Variants in FGD4 observed in about 807,000 individuals in gnomAD.
FGD4 encodes the protein FYVE, RhoGEF and PH domain containing 4, also known as FYVE, RhoGEF and PH domain-containing protein 4.
In FGD4, 42 loss-of-function variants were observed where a neutral mutation model predicts 102.0. The ratio of observed to expected loss-of-function variants is 0.41; its 90% confidence interval spans 0.32 to 0.53. FGD4 has a LOEUF of 0.53. Ranked by LOEUF, FGD4 falls within the 20% of genes least tolerant of loss-of-function variation. FGD4 has a pLI of 0.21. For missense variants in FGD4, 902 were observed against 1,078.2 expected (o/e 0.84, Z 2.29); for synonymous variants, 380 against 375.7 (o/e 1.01, Z -0.13).
At chr12:32,632,725 T>TTTTTA (rs1950566025) in intron 14 of FGD4, among the ~76,000 whole-genome samples, 1 of 133,576 alleles carries the variant, frequency 7.5e-6, no homozygotes, top group African/African-American at 2.6e-5. Flanking sequence ...TTTTTTTTTT[T>TTTTTA]GAGACAGGGT....
rs935617246 is a variant in FGD4 at position 32,600,470 on chromosome 12, A to C, written c.1102-808A>C. 3.1e-6 allele frequency: 4 copies of C among 1,283,732 alleles called. No individual in the cohort carries two copies. In the African/African-American group the frequency reaches 6.1e-5, roughly 20 times the overall value. 79.5% of individuals were successfully genotyped at this position (1,283,732 alleles called of 1,614,324 possible). ...CCATCTGGACATTATGAAGGAATAG[A>C]CCTCCTTCTGCCTACATGTAACAGA... On this transcript the variant is annotated intron_variant, in intron 5 of 16. Transcript: ENST00000534526.
intron 1 of FGD4, chr12:32,486,035 C>G: frequency 1.4e-6 from 2 of 1,479,378 alleles, no homozygotes; most frequent in Non-Finnish European, 1.8e-6. Flanking sequence ...TACAGAATGC[C>G]TATAGTTTCT....
chr12:32,520,453 A>G (rs111380631), intron 1 of FGD4, among the ~76,000 whole-genome samples: 21,857 of 124,966 alleles, frequency 0.17, 2,420 homozygotes, highest in Middle Eastern at 0.3. Context: ...TTTTTTTTTT[A>G]GAGATGGAGT....
chr12:32,601,708 A>C lies in FGD4; in HGVS notation c.1247+285A>C, dbSNP rs532924539. Among the ~76,000 whole-genome samples the C allele has an allele frequency of 7.2e-5, 11 of 152,320 alleles. No homozygotes were observed. The South Asian group carries it at 2.3e-3, about 32-fold the overall frequency. Reference sequence around the variant, plus strand: ...GATAGCCCCTTTAAAAAGGTGCTGCATTGTTTTCTATCAGCCTCACAGTAC... The same window carrying C: ...GATAGCCCCTTTAAAAAGGTGCTGCCTTGTTTTCTATCAGCCTCACAGTAC... On this transcript the variant is annotated intron_variant, in intron 6 of 16. Coordinates refer to ENST00000534526, the MANE Select transcript of FGD4 (RefSeq NM_001370298.3).
chr12:32,521,306 T>TTG (rs1940521183), intron 1 of FGD4, among the ~76,000 whole-genome samples: 1 of 141,040 alleles, frequency 7.1e-6, no homozygotes, highest in Admixed American at 7.8e-5. Context: ...AACCAGGGAA[T>TTG]CGGAGGTTAC....
At chr12:32,637,143 C>T (rs1373186515) in intron 15 of FGD4, among the ~76,000 whole-genome samples, 11 of 149,878 alleles carry the variant, frequency 7.3e-5, no homozygotes, top group Non-Finnish European at 1.0e-4. Flanking sequence ...CCTGCCTCTG[C>T]CTCCCAAAGT....
chr12:32,502,447 C>A, intron 1 of FGD4: 1 of 502,314 alleles, frequency 2.0e-6, no homozygotes, highest in Non-Finnish European at 2.6e-6. Context: ...AAGAAACCTC[C>A]AGCGTCATAC....
At chr12:32,536,422 CT>C (rs1942270015) in intron 1 of FGD4, among the ~76,000 whole-genome samples, 12 of 152,178 alleles carry the variant, frequency 7.9e-5, no homozygotes, top group Admixed American at 7.9e-4. Context: ...AAGGTATTTT[CT>C]TAGATGTTTT....
intron 1 of FGD4, among the ~76,000 whole-genome samples, chr12:32,530,447 C>T (rs1052885616): frequency 2.6e-5 from 4 of 152,200 alleles, no homozygotes; most frequent in African/African-American, 9.7e-5. Context: ...CGCACCACTG[C>T]ACTCCAACCT....
chr12:32,624,376 A>T, intron 11 of FGD4, 46 bp from the exon 12 acceptor site: 1 of 1,427,064 alleles, frequency 7.0e-7, no homozygotes, highest in Non-Finnish European at 9.8e-7. Context: ...ACCCAGTGTG[A>T]ATCATTAATA....
At position 32,598,254 on chromosome 12, in the gene FGD4, G is replaced by A. The variant is rs115006153; in HGVS notation, c.1012-243G>A. Among the ~76,000 whole-genome samples, 1,138 of 152,282 alleles carry A rather than the reference G, an allele frequency of 7.5e-3. 13 individuals are homozygous for A. Among genetic ancestry groups the A allele is most frequent in the African/African-American group, 0.026 (1,080 of 41,558 alleles). On this transcript the variant is annotated intron_variant, in intron 4 of 16. Transcript: ENST00000534526. Reference sequence around the variant, plus strand: ...GAAAAAGATAGATTTCCAGGAAAAAGGTAGATATGATAGTGGTAACTGCTG... The same window carrying A: ...GAAAAAGATAGATTTCCAGGAAAAAAGTAGATATGATAGTGGTAACTGCTG...
At chr12:32,573,022 C>T (rs1401048304) in intron 2 of FGD4, among the ~76,000 whole-genome samples, 2 of 152,208 alleles carry the variant, frequency 1.3e-5, no homozygotes, top group East Asian at 3.8e-4. Context: ...TCCTGGGTTG[C>T]TTCTACCATC....
intron 1 of FGD4, among the ~76,000 whole-genome samples, chr12:32,537,151 G>A (rs1221056609): frequency 2.0e-5 from 3 of 151,868 alleles, no homozygotes; most frequent in African/African-American, 2.4e-5. Context: ...CTCATTATCC[G>A]CCCACCTCGG....
chr12:32,532,384 G>A (rs1164790819), intron 1 of FGD4, among the ~76,000 whole-genome samples: 1 of 152,110 alleles, frequency 6.6e-6, no homozygotes, highest in East Asian at 1.9e-4. Context: ...ACTAGCATGA[G>A]TGATCAAGAT....
In FGD4 at chr12:32,640,623, T is replaced by A. The variant is rs772274440; in HGVS notation, c.*90T>A. ...TTCTTACACATCTGCTAGCACTTTA[T>A]GTTGAAAAATATAGGCCCATAAATG... On this transcript the variant is annotated 3_prime_UTR_variant, in exon 17 of 17. Coordinates refer to ENST00000534526, the MANE Select transcript of FGD4 (RefSeq NM_001370298.3). 1.6e-5 allele frequency: 25 copies of A among 1,578,950 alleles called. No homozygotes were observed. The South Asian group carries it at 2.7e-4, about 17-fold the overall frequency.
At chr12:32,432,497 TC>T (rs1383996297) in intron 1 of FGD4, among the ~76,000 whole-genome samples, 1 of 151,262 alleles carries the variant, frequency 6.6e-6, no homozygotes, top group Admixed American at 6.6e-5. Context: ...ACTCCTGTAA[TC>T]CCAGCTACTC....
At chr12:32,572,954 G>A (rs1945794160) in intron 2 of FGD4, among the ~76,000 whole-genome samples, 1 of 152,194 alleles carries the variant, frequency 6.6e-6, no homozygotes, top group African/African-American at 2.4e-5. Context: ...TGGTTGCCCA[G>A]AAGCTAAGAA....
chr12:32,617,856 T>A (rs1404165640), intron 10 of FGD4, among the ~76,000 whole-genome samples: 1 of 152,344 alleles, frequency 6.6e-6, no homozygotes, highest in East Asian at 1.9e-4. Context: ...TTGTAAGCAA[T>A]GTTTTCTATC....
In FGD4 at chr12:32,478,296, T is replaced by A. The variant is rs77214527; in HGVS notation, c.166+78337T>A. ...GTTTTTTAATGAGACAGAGTCTCAC[T>A]CTGTTGCTCAGGCTGAAGTGGAGTG... On this transcript the variant is annotated intron_variant, in intron 1 of 16. Transcript: ENST00000534526. 6.6e-3 allele frequency among the ~76,000 whole-genome samples: 1,002 copies of A among 152,344 alleles called. 50 individuals are homozygous for A. The highest frequency in any genetic ancestry group is 0.06 in the Admixed American group (918 of 15,298).
Sources: allele counts gnomAD v4.1 joint callset (sites outside exome capture counted in the v4.1 genomes callset), GRCh38; gene constraint gnomAD v4.1.1; transcripts MANE v1.5; gene names NCBI Gene and HGNC (gene_info 2026-07-23, HGNC 2026-07-21).